The following NLRC3 variants were observed in gnomAD, a reference collection of about 807,000 sequenced individuals.
NLRC3 encodes the protein NLR family CARD domain containing 3.
A neutral mutation model predicts 91.6 loss-of-function variants in NLRC3; 87 were observed. The ratio of observed to expected loss-of-function variants is 0.95; its 90% CI spans 0.80 to 1.14. The LOEUF (loss-of-function observed/expected upper bound fraction) is 1.14. Among genes scored for constraint, NLRC3 ranks in the 50% most tolerant of loss-of-function variants. The pLI is 0.00. For synonymous variants in NLRC3, 694 were observed against 625.3 expected (o/e 1.11, Z -1.64); for missense variants, 1,577 against 1,418.6 (o/e 1.11, Z -1.79).
At position 3,556,852 on chromosome 16, in the gene NLRC3, G is replaced by T. The variant is rs903585005; in HGVS notation, c.2183+59C>A. On this transcript the variant is annotated intron_variant, in intron 8 of 19. Coordinates refer to ENST00000359128, the MANE Select transcript of NLRC3 (RefSeq NM_178844.4). ...TCCCATTCTCATAGGTGGTGCCTGA[G>T]GAGAGGGTTTTCTGGGCCCTCTCTT... is the stretch of plus-strand genomic sequence containing the variant. The T allele has an allele frequency of 4.2e-6, 5 of 1,186,506 alleles. No homozygotes were observed. In the Admixed American group the frequency reaches 7.0e-5, roughly 17 times the overall value. The allele number at this position is 1,186,506 out of a possible 1,614,324, so 73.5% of individuals were successfully genotyped here.
intron 8 of NLRC3, 106 bp from the exon 9 acceptor site, chr16:3,554,431 C>G (rs759522503): frequency 2.4e-5 from 18 of 758,696 alleles, no homozygotes; most frequent in East Asian, 5.4e-5. Flanking sequence ...GGGGTTCTGA[C>G]CACTACGTGC....
chr16:3,560,192 A>T (rs796943469), intron 6 of NLRC3, among the ~76,000 whole-genome samples: 5 of 152,210 alleles, frequency 3.3e-5, no homozygotes, highest in African/African-American at 1.2e-4. Flanking sequence ...AGGCGGATGG[A>T]TCACCTGAGG....
At chr16:3,561,425 C>T (rs1596474285) in intron 6 of NLRC3, among the ~76,000 whole-genome samples, 1 of 152,244 alleles carries the variant, frequency 6.6e-6, no homozygotes, top group East Asian at 1.9e-4. Flanking sequence ...TTGTGCCTGG[C>T]ATTATGTCAG....
intron 1 of NLRC3, among the ~76,000 whole-genome samples, chr16:3,568,891 T>A (rs1489905924): frequency 6.6e-6 from 1 of 152,234 alleles, no homozygotes; most frequent in Non-Finnish European, 1.5e-5. Flanking sequence ...AAAAACAGTT[T>A]TTGTCGTATG....
In NLRC3 at chr16:3,554,338, G is replaced by A. The variant is rs1215991248; in HGVS notation, c.2184-13C>T. ...GTTGCCCTGGAGGCTGCAGAGACAA[G>A]AAGAGGCTCATCACTGATGGAGCAG... is the stretch of plus-strand genomic sequence containing the variant. On this transcript the variant is annotated splice_polypyrimidine_tract_variant and intron_variant, in intron 8 of 19. Coordinates refer to ENST00000359128, the MANE Select transcript of NLRC3 (RefSeq NM_178844.4). 3 of 1,603,966 alleles carry A rather than the reference G, an allele frequency of 1.9e-6. No individual in the cohort carries two copies. Among genetic ancestry groups the A allele is most frequent in the Non-Finnish European group, 2.6e-6 (3 of 1,171,116 alleles).
In NLRC3 at chr16:3,577,217, C is replaced by G. The variant is rs571320865; in HGVS notation, c.-237G>C. ...GCCTGGGGGCGTCCATCTCCATGCT[C>G]CTGGGCTCAGCCCTGCTCCAGCTGC... On this transcript the variant is annotated 5_prime_UTR_variant, in exon 1 of 20. Coordinates refer to ENST00000359128, the MANE Select transcript of NLRC3 (RefSeq NM_178844.4). 1 of 703,000 alleles carries G rather than the reference C, an allele frequency of 1.4e-6. No individual in the cohort carries two copies. Among genetic ancestry groups the G allele is most frequent in the East Asian group, 2.7e-5 (1 of 37,286 alleles). The allele number at this position is 703,000 out of a possible 1,614,324, so 43.5% of individuals were successfully genotyped here. A position where few individuals can be genotyped will look rare whatever the true frequency, so the allele number is the denominator to read the frequency against.
intron 9 of NLRC3, among the ~76,000 whole-genome samples, chr16:3,553,154 A>G (rs944845755): frequency 1.3e-5 from 2 of 152,210 alleles, no homozygotes; most frequent in African/African-American, 4.8e-5. Flanking sequence ...AAAAGGAAAG[A>G]GACTCCTTAC....
chr16:3,569,399 T>A (rs1314536339), intron 1 of NLRC3, among the ~76,000 whole-genome samples: 63 of 77,778 alleles, frequency 8.1e-4, no homozygotes, highest in African/African-American at 2.9e-3. Flanking sequence ...TATATATTAT[T>A]TTTTTTTTTT....
intron 1 of NLRC3, among the ~76,000 whole-genome samples, chr16:3,572,357 T>TG (rs2040128643): frequency 1.3e-5 from 2 of 152,002 alleles, no homozygotes; most frequent in Non-Finnish European, 2.9e-5. Context: ...TGGAGTGCAG[T>TG]GGCATGATCA....
rs1299038715 is a variant in NLRC3, at chr16:3,540,828, C to G, written c.*997G>C. 6.6e-6 allele frequency: 1 copy of G among 151,868 alleles called. No individual in the cohort carries two copies. Among genetic ancestry groups the G allele is most frequent in the Non-Finnish European group, 1.5e-5 (1 of 67,996 alleles). 9.4% of individuals were successfully genotyped at this position (151,868 alleles called of 1,614,324 possible). ...AAATAAAGAATGACATCACTGAATA[C>G]ACTGAATGTGCTATTGATAACCAGT... On this transcript the variant is annotated 3_prime_UTR_variant, in exon 20 of 20. Transcript: ENST00000359128.
intron 1 of NLRC3, among the ~76,000 whole-genome samples, chr16:3,572,548 A>G (rs916677415): frequency 1.3e-5 from 2 of 152,190 alleles, no homozygotes; most frequent in Non-Finnish European, 2.9e-5. Flanking sequence ...TTGGCCTCCC[A>G]AAGTGCTGGA....
At chr16:3,547,411 G>A (rs1232273940) in intron 15 of NLRC3, among the ~76,000 whole-genome samples, 1 of 150,888 alleles carries the variant, frequency 6.6e-6, no homozygotes, top group Non-Finnish European at 1.5e-5. Flanking sequence ...CAGGGTTGGG[G>A]GAAAGGGAGA....
intron 9 of NLRC3, among the ~76,000 whole-genome samples, chr16:3,553,616 G>A (rs1353850265): frequency 1.3e-5 from 2 of 152,120 alleles, no homozygotes; most frequent in Non-Finnish European, 2.9e-5. Context: ...GGGTTGCCCC[G>A]ATGCACCGTG....
intron 11 of NLRC3, among the ~76,000 whole-genome samples, 193 bp from the exon 12 acceptor site, chr16:3,549,973 G>A: frequency 6.6e-6 from 1 of 152,142 alleles, no homozygotes; most frequent in East Asian, 1.9e-4. Flanking sequence ...TGCCAGGTCA[G>A]GGCAGGTGGG....
At position 3,565,018 on chromosome 16, in the gene NLRC3, G is replaced by C. The variant is rs777729538; in HGVS notation, c.19C>G (p.Arg7Gly). 10 of 1,609,598 alleles carry C rather than the reference G, an allele frequency of 6.2e-6. No individual in the cohort carries two copies. In the Admixed American group the frequency reaches 1.5e-4, roughly 24 times the overall value. MRKQEV[R>G]TGREAGQGHG... ...CCCTGGCCGGCCTCCCTGCCCGTCCGCACCTCTTGCTTCCTCATGGAGTCG... is the reference window on the plus strand; with the variant it reads ...CCCTGGCCGGCCTCCCTGCCCGTCCCCACCTCTTGCTTCCTCATGGAGTCG... The change falls in exon 4 of 20, where the codon CGG (arginine) becomes GGG (glycine). Residue 7 changes from arginine to glycine, a missense_variant. Coordinates refer to ENST00000359128, the MANE Select transcript of NLRC3 (RefSeq NM_178844.4).
chr16:3,563,174 TC>T lies in NLRC3; in HGVS notation c.1762del (p.Glu588ArgfsTer8). 6.3e-7 allele frequency: 1 copy of T among 1,592,966 alleles called. No individual in the cohort carries two copies. On this transcript the variant is annotated frameshift_variant, in exon 5 of 20. Coordinates refer to ENST00000359128, the MANE Select transcript of NLRC3 (RefSeq NM_178844.4). LOFTEE classifies it high-confidence loss of function. ...AGTCAGCCTGGCCAGGGCCCCGCTC[TC>T]CATGGCCTCCTCCACGCTGCGGGCC... ...ELARSVEEAM[E>X]SGALARLTGP...
intron 15 of NLRC3, among the ~76,000 whole-genome samples, chr16:3,546,544 G>A (rs893674752): frequency 6.6e-6 from 1 of 152,130 alleles, no homozygotes. Flanking sequence ...GCAACAGAGC[G>A]AGACTCCATC....
rs1187122843 is a variant in NLRC3 at position 3,543,441 on chromosome 16, T to C, written c.2923A>G (p.Thr975Ala). ...VLGEALAVNR[T>A]LEILDLRGNA... ...AATACTTACTCGAGAATCTCCAAGG[T>C]TCTGTTCACAGCCAAGGCTTCCCCT... Residue 975 changes from threonine (T) to alanine (A), a missense_variant, in exon 17 of 20, where the codon ACC (threonine) becomes GCC (alanine). Coordinates refer to ENST00000359128, the MANE Select transcript of NLRC3 (RefSeq NM_178844.4). The C allele has an allele frequency of 4.3e-6, 7 of 1,612,050 alleles. No individual in the cohort carries two copies. The highest frequency in any genetic ancestry group is 1.1e-5 in the South Asian group (1 of 90,718).
intron 11 of NLRC3, 61 bp from the exon 12 acceptor site, chr16:3,549,841 TC>T: frequency 7.9e-7 from 1 of 1,271,588 alleles, no homozygotes; most frequent in Non-Finnish European, 1.1e-6. Flanking sequence ...AGCTGCCCTG[TC>T]CCAGTCTGGG....
Sources: allele counts gnomAD v4.1 joint callset (sites outside exome capture counted in the v4.1 genomes callset), GRCh38; gene constraint gnomAD v4.1.1; transcripts MANE v1.5; gene names NCBI Gene and HGNC (gene_info 2026-07-23, HGNC 2026-07-21).